The following FUT9 variants were observed in gnomAD, a reference collection of about 807,000 sequenced individuals.
The protein encoded by FUT9 is fucosyltransferase 9.
A neutral mutation model predicts 29.7 loss-of-function variants in FUT9; 15 were observed. That is an observed-to-expected ratio of 0.51 (90% confidence interval 0.34 to 0.78). The LOEUF is 0.78. Among genes scored for constraint, FUT9 ranks in the 30% least tolerant of loss-of-function variants. FUT9 has a pLI of 0.01. For synonymous variants in FUT9, 169 were observed against 153.7 expected, an observed-to-expected ratio of 1.10 and a Z score of -0.74; for missense variants, 319 against 425.4, an observed-to-expected ratio of 0.75 and a Z score of 2.20.
At chr6:96,075,135 CGTGTGTGTGTAG>C (rs1771123098) in intron 1 of FUT9, among the ~76,000 whole-genome samples, 1 of 151,660 alleles carries the variant, frequency 6.6e-6, no homozygotes, top group South Asian at 2.1e-4. Flanking sequence ...TGTGTGTGTG[CGTGTGTGTGTAG>C]GTGTGTGTGT....
intron 2 of FUT9, among the ~76,000 whole-genome samples, chr6:96,122,255 A>G (rs977651753): frequency 6.6e-6 from 1 of 152,210 alleles, no homozygotes; most frequent in African/African-American, 2.4e-5. Context: ...GGAAATCTCT[A>G]GTGCAGAAGT....
intron 2 of FUT9, among the ~76,000 whole-genome samples, chr6:96,124,862 T>A (rs934060940): frequency 6.6e-6 from 1 of 152,226 alleles, no homozygotes; most frequent in African/African-American, 2.4e-5. Flanking sequence ...GAAAAATGTG[T>A]TAGTGACATT....
chr6:96,142,800 G>A (rs1017885517), intron 2 of FUT9, among the ~76,000 whole-genome samples: 1 of 151,800 alleles, frequency 6.6e-6, no homozygotes, highest in Non-Finnish European at 1.5e-5. Context: ...AAACACTTTT[G>A]GACACTGCAT....
chr6:96,189,351 T>G (rs1040935146), intron 2 of FUT9, among the ~76,000 whole-genome samples: 1 of 94,674 alleles, frequency 1.1e-5, no homozygotes, highest in African/African-American at 3.3e-5. Context: ...TTAAGCTACA[T>G]GAAGACTTTT....
At chr6:96,193,835 G>A (rs1481971183) in intron 2 of FUT9, among the ~76,000 whole-genome samples, 2 of 152,102 alleles carry the variant, frequency 1.3e-5, no homozygotes, top group Non-Finnish European at 2.9e-5. Context: ...TGGATTAAGA[G>A]AATGTGGCAC....
At chr6:96,201,939 T>C (rs776427453) in intron 2 of FUT9, among the ~76,000 whole-genome samples, 5 of 151,794 alleles carry the variant, frequency 3.3e-5, no homozygotes, top group Non-Finnish European at 7.4e-5. Flanking sequence ...CTTTTTTTAA[T>C]GTTCACATAT....
rs559990963 is a variant in FUT9 at position 96,080,453 on chromosome 6, C to T, written c.-97-33586C>T. On this transcript the variant is annotated intron_variant, in intron 1 of 2. Transcript: ENST00000302103. ...AGAAAGAACTGAAGTGAAGCAAAGA[C>T]GAAAATGTCTTTGCCTACTTATTAA... 8.4e-4 allele frequency among the ~76,000 whole-genome samples: 127 copies of T among 151,924 alleles called. 1 individual carries two copies. Among genetic ancestry groups the T allele is most frequent in the East Asian group, 2.7e-3 (14 of 5,170 alleles).
chr6:96,035,312 C>CA (rs948909921), intron 1 of FUT9, among the ~76,000 whole-genome samples: 17 of 151,194 alleles, frequency 1.1e-4, no homozygotes, highest in Non-Finnish European at 7.4e-5. Flanking sequence ...ATTGGTATGA[C>CA]AAAAAAGTGC....
intron 1 of FUT9, among the ~76,000 whole-genome samples, chr6:96,069,456 A>C (rs1771017050): frequency 6.6e-6 from 1 of 152,116 alleles, no homozygotes; most frequent in Admixed American, 6.5e-5. Flanking sequence ...TAGTGACAAG[A>C]TTTTTAAAAA....
intron 1 of FUT9, among the ~76,000 whole-genome samples, chr6:96,032,305 T>C (rs1365497224): frequency 1.3e-5 from 2 of 151,744 alleles, no homozygotes; most frequent in East Asian, 3.9e-4. Context: ...CTAATGACTA[T>C]GGAGAGACTA....
At position 96,128,979 on chromosome 6, in the gene FUT9, C is replaced by T. The variant is rs539042430; in HGVS notation, c.-9+14852C>T. On this transcript the variant is annotated intron_variant, in intron 2 of 2. Transcript: ENST00000302103. The stretch of plus-strand genomic sequence containing the variant: ...TCCACAAAAAAATACAAATAGCCAC[C>T]GGGTGTGGTGGCTCATGCCTGTAAT... Among the ~76,000 whole-genome samples, 96 of 151,620 alleles carry T rather than the reference C, an allele frequency of 6.3e-4. 3 individuals are homozygous for T. In the South Asian group the frequency reaches 0.019, roughly 31 times the overall value.
At position 96,151,048 on chromosome 6, in the gene FUT9, C is replaced by T. The variant is rs113242146; in HGVS notation, c.-9+36921C>T. On this transcript the variant is annotated intron_variant, in intron 2 of 2. Transcript: ENST00000302103. ...TTCCACAATTTAGATTTGCAGATACCAAATAGAATGCTAATTGATACTTTG... is the reference window on the plus strand; with the variant it reads ...TTCCACAATTTAGATTTGCAGATACTAAATAGAATGCTAATTGATACTTTG... Among the ~76,000 whole-genome samples the T allele has an allele frequency of 1.7e-3, 264 of 152,070 alleles. 2 individuals are homozygous for T. Among genetic ancestry groups the T allele is most frequent in the African/African-American group, 6.1e-3 (253 of 41,472 alleles).
chr6:96,028,183 T>A (rs1412658351), intron 1 of FUT9, among the ~76,000 whole-genome samples: 1 of 151,392 alleles, frequency 6.6e-6, no homozygotes, highest in Non-Finnish European at 1.5e-5. Flanking sequence ...AGGGGCAAAG[T>A]AGAAGTTCTA....
intron 2 of FUT9, among the ~76,000 whole-genome samples, chr6:96,153,194 A>C (rs1376443030): frequency 6.6e-6 from 1 of 152,200 alleles, no homozygotes; most frequent in African/African-American, 2.4e-5. Context: ...TAAGAATCCA[A>C]ATTTGGTAAA....
chr6:96,129,293 C>A (rs111546805), intron 2 of FUT9, among the ~76,000 whole-genome samples: 3,847 of 9,572 alleles, frequency 0.4, 311 homozygotes, highest in South Asian at 0.5. Context: ...AAAAAAAAAA[C>A]AAACAACCAG....
chr6:96,159,236 A>G (rs1291482452), intron 2 of FUT9, among the ~76,000 whole-genome samples: 1 of 147,774 alleles, frequency 6.8e-6, no homozygotes, highest in Non-Finnish European at 1.5e-5. Flanking sequence ...AAGAAAAGAC[A>G]GGAGTAGATG....
intron 1 of FUT9, among the ~76,000 whole-genome samples, chr6:96,021,294 T>G (rs1471606535): frequency 1.3e-5 from 2 of 151,950 alleles, no homozygotes; most frequent in South Asian, 2.1e-4. Flanking sequence ...GTTTTGTTTT[T>G]TTTGGACAAT....
chr6:96,191,489 G>A (rs1407290230), intron 2 of FUT9, among the ~76,000 whole-genome samples: 1 of 152,106 alleles, frequency 6.6e-6, no homozygotes, highest in African/African-American at 2.4e-5. Flanking sequence ...AGAAGAAATG[G>A]ATAAATTCCT....
Position 96,117,642 on chromosome 6 carries a change from G to C in FUT9, c.-9+3515G>C, listed in dbSNP as rs77924376. ...AAGTCTCTGAGAATTTAAGTGACTT[G>C]CCTAGGATCAGCAGTTTGTAAAGGA... On this transcript the variant is annotated intron_variant, in intron 2 of 2. Coordinates refer to ENST00000302103, the MANE Select transcript of FUT9 (RefSeq NM_006581.4). 4.4e-3 allele frequency among the ~76,000 whole-genome samples: 667 copies of C among 152,302 alleles called. 6 individuals carry two copies. The highest frequency in any genetic ancestry group is 0.015 in the African/African-American group (634 of 41,568).
Sources: gnomAD v4.1 joint callset for allele counts (sites outside exome capture counted in the v4.1 genomes callset) on GRCh38, gnomAD v4.1.1 for gene constraint, MANE v1.5 for transcripts, NCBI Gene and HGNC (gene_info 2026-07-23, HGNC 2026-07-21) for gene names.